RBM27: variants seen among roughly 807,000 people sequenced by gnomAD.
RBM27 encodes RNA-binding protein 27.
A neutral mutation model predicts 135.3 loss-of-function variants in RBM27; 22 were observed. That is an observed-to-expected ratio of 0.16 (90% CI 0.12 to 0.23). The LOEUF (loss-of-function observed/expected upper bound fraction) is 0.23. RBM27 is among the 10% of genes least tolerant of loss of function. The pLI, the probability that RBM27 is intolerant of heterozygous loss-of-function variation, is 1.00. For synonymous variants in RBM27, 481 were observed against 442.4 expected, an observed-to-expected ratio of 1.09 and a Z score of -1.10; for missense variants, 1,009 against 1,281.0, an observed-to-expected ratio of 0.79 and a Z score of 3.24.
Position 146,230,802 on chromosome 5 carries a change from T to A in RBM27, c.735T>A (p.Pro245=). Residue 245 remains proline (P), a synonymous_variant, in exon 6 of 21, where the codon CCT becomes CCA. Coordinates refer to ENST00000265271, the MANE Select transcript of RBM27 (RefSeq NM_018989.2). Reference sequence around the variant, plus strand: ...CCAGCACTGTTACTGTGATCGCACCTGCTCACCACTCTGAAAACACAACTG... The same window carrying A: ...CCAGCACTGTTACTGTGATCGCACCAGCTCACCACTCTGAAAACACAACTG... ...SIPSTVTVIA[P]AHHSENTTES... 1 of 1,614,086 alleles carries A rather than the reference T, an allele frequency of 6.2e-7. No homozygotes were observed. The highest frequency in any genetic ancestry group is 8.5e-7 in the Non-Finnish European group (1 of 1,179,950).
intron 8 of RBM27, among the ~76,000 whole-genome samples, chr5:146,244,246 G>A (rs1757524548): frequency 6.6e-6 from 1 of 152,096 alleles, no homozygotes; most frequent in East Asian, 1.9e-4. Flanking sequence ...TGTAATCCCA[G>A]CACATTCAAA....
intron 8 of RBM27, chr5:146,245,316 A>G (rs1757578856): frequency 6.6e-6 from 1 of 152,132 alleles, no homozygotes; most frequent in Non-Finnish European, 1.5e-5. Flanking sequence ...GACCATTATT[A>G]AGTAAAGTAC....
chr5:146,279,379 G>A (rs1034470901), intron 19 of RBM27, among the ~76,000 whole-genome samples: 2 of 151,780 alleles, frequency 1.3e-5, no homozygotes, highest in African/African-American at 4.8e-5. Context: ...AACCTGGGAG[G>A]CGGGTTACAG....
At chr5:146,237,237 C>G in intron 7 of RBM27, 61 bp from the exon 8 acceptor site, 1 of 1,599,262 alleles carries the variant, frequency 6.3e-7, no homozygotes, top group South Asian at 1.1e-5. Context: ...TGCTCCTGGC[C>G]TGATACTTTT....
At position 146,228,976 on chromosome 5, in the gene RBM27, G is replaced by A; in HGVS notation, c.334G>A (p.Asp112Asn). The change falls in exon 4 of 21, where the codon GAT becomes AAT. Residue 112 changes from aspartate to asparagine, a missense_variant. Physicochemically the swap from Asp to Asn is conservative, Grantham distance 23. Transcript: ENST00000265271. The stretch of plus-strand genomic sequence containing the variant: ...TCAGGAGCCAGCAGAGGAAGAACGA[G>A]ATGGCAGAAAAAAGAAATATCCTAG... ...VFQEPAEEER[D>N]GRKKKYPSPQ... 6.2e-7 allele frequency: 1 copy of A among 1,613,628 alleles called. No homozygotes were observed. Among genetic ancestry groups the A allele is most frequent in the Non-Finnish European group, 8.5e-7 (1 of 1,179,732 alleles).
rs57117642 is a variant in RBM27 at position 146,211,464 on chromosome 5, C to CTTTTTTTTTTTTTTTTTTTTTTTTTTT, written c.60-7517_60-7491dup. On this transcript the variant is annotated intron_variant, in intron 1 of 20. Transcript: ENST00000265271. ...CTTACTTTGTCCAGTATGGTCTTAT[C>CTTTTTTTTTTTTTTTTTTTTTTTTTTT]TTTTTTTTTTTTTTTTTTTTTTTTT... Among the ~76,000 whole-genome samples, 14 of 49,930 alleles carry CTTTTTTTTTTTTTTTTTTTTTTTTTTT rather than the reference C, an allele frequency of 2.8e-4. 2 individuals are homozygous for CTTTTTTTTTTTTTTTTTTTTTTTTTTT. The highest frequency in any genetic ancestry group is 3.9e-4 in the Admixed American group (1 of 2,574). The allele number at this position is 49,930 out of a possible 152,430, so 32.8% of individuals were successfully genotyped here.
chr5:146,239,685 G>A (rs536573544), intron 8 of RBM27, among the ~76,000 whole-genome samples: 3 of 151,176 alleles, frequency 2.0e-5, no homozygotes, highest in Non-Finnish European at 4.4e-5. Flanking sequence ...TTGTTATGTT[G>A]GCTAGCTGTC....
rs73303441 is a variant in RBM27 at position 146,271,081 on chromosome 5, G to A, written c.2796+23G>A. The A allele has an allele frequency of 2.4e-4, 373 of 1,556,788 alleles. 2 individuals carry two copies. The African/African-American group carries it at 3.4e-3, about 14-fold the overall frequency. ...GAGGTGAGATTTAAAAGGAGTTAGCGCCCCACCACATTTAACGTCTCAAAA... is the reference window on the plus strand; with the variant it reads ...GAGGTGAGATTTAAAAGGAGTTAGCACCCCACCACATTTAACGTCTCAAAA... On this transcript the variant is annotated intron_variant, in intron 18 of 20. Coordinates refer to ENST00000265271, the MANE Select transcript of RBM27 (RefSeq NM_018989.2).
rs148366763 is a variant in RBM27 at position 146,259,699 on chromosome 5, C to T, written c.1740-1046C>T. Among the ~76,000 whole-genome samples the T allele has an allele frequency of 3.1e-3, 466 of 151,144 alleles. 4 individuals carry two copies. Among genetic ancestry groups the T allele is most frequent in the African/African-American group, 0.011 (449 of 41,124 alleles). On this transcript the variant is annotated intron_variant, in intron 11 of 20. Transcript: ENST00000265271. ...ATGTAATAAGAATAATGTGGCCGGG[C>T]GCGGTGGCTCACGCCTGTAATCCCA...
chr5:146,282,011 T>C (rs1415101990), intron 19 of RBM27, among the ~76,000 whole-genome samples: 1 of 145,958 alleles, frequency 6.9e-6, no homozygotes, highest in African/African-American at 2.5e-5. Flanking sequence ...TTTTTTTTTT[T>C]TTTTTTTTTT....
intron 8 of RBM27, among the ~76,000 whole-genome samples, chr5:146,248,956 A>G (rs1032559657): frequency 6.6e-6 from 1 of 151,980 alleles, no homozygotes; most frequent in African/African-American, 2.4e-5. Context: ...CCATTTTTCT[A>G]TATATGTATG....
intron 20 of RBM27, among the ~76,000 whole-genome samples, chr5:146,285,249 C>T (rs1759534302): frequency 6.6e-6 from 1 of 152,000 alleles, no homozygotes. Context: ...TTTTTTACTC[C>T]TGTTGTTTAT....
chr5:146,247,861 T>C (rs903984055), intron 8 of RBM27, among the ~76,000 whole-genome samples: 28 of 152,196 alleles, frequency 1.8e-4, no homozygotes, highest in African/African-American at 6.5e-4. Context: ...TTTTAAAACT[T>C]GCTTGATGGT....
chr5:146,230,044 C>G (rs771174984), intron 5 of RBM27, 134 bp downstream of exon 5: 6 of 1,020,414 alleles, frequency 5.9e-6, no homozygotes, highest in Non-Finnish European at 8.4e-6. Flanking sequence ...TCTCAAGAAG[C>G]TCAATATCCA....
intron 12 of RBM27, 77 bp from the exon 13 acceptor site, chr5:146,261,433 C>T: frequency 8.4e-7 from 1 of 1,195,436 alleles, no homozygotes; most frequent in Non-Finnish European, 1.2e-6. Flanking sequence ...GGAAAACATT[C>T]ATTACATAGC....
intron 8 of RBM27, 104 bp downstream of exon 8, chr5:146,237,536 T>C (rs1757222922): frequency 1.6e-6 from 2 of 1,285,432 alleles, no homozygotes; most frequent in Non-Finnish European, 2.2e-6. Flanking sequence ...TCTGTTCTTA[T>C]GGATTCTAAA....
intron 13 of RBM27, among the ~76,000 whole-genome samples, chr5:146,263,243 TG>T (rs1053746085): frequency 1.3e-5 from 2 of 152,218 alleles, no homozygotes; most frequent in African/African-American, 4.8e-5. Flanking sequence ...AAATAATTAA[TG>T]GTTTTTTTGT....
intron 1 of RBM27, among the ~76,000 whole-genome samples, chr5:146,208,790 C>T (rs894154096): frequency 7.9e-5 from 12 of 152,158 alleles, no homozygotes; most frequent in Admixed American, 7.9e-4. Flanking sequence ...AAGCATTTTT[C>T]AGTAACCTGC....
intron 3 of RBM27, among the ~76,000 whole-genome samples, chr5:146,225,560 CCTTT>C (rs570563694): frequency 6.7e-6 from 1 of 148,712 alleles, no homozygotes; most frequent in African/African-American, 2.5e-5. Flanking sequence ...CTGTTTTTTA[CCTTT>C]CTGTTTTTTT....
Sources: gnomAD v4.1 joint callset for allele counts (sites outside exome capture counted in the v4.1 genomes callset) on GRCh38, gnomAD v4.1.1 for gene constraint, MANE v1.5 for transcripts, NCBI Gene and HGNC (gene_info 2026-07-23, HGNC 2026-07-21) for gene names.